CELF4: variants seen among roughly 807,000 people sequenced by gnomAD.
CELF4 encodes CUG-BP- and ETR-3-like factor 4.
CELF4 carries 18 observed loss-of-function variants against 59.9 expected under a neutral mutation model. That is an observed-to-expected ratio of 0.30 (90% CI 0.21 to 0.45). The LOEUF (loss-of-function observed/expected upper bound fraction) is 0.45. Among genes scored for constraint, CELF4 ranks in the 20% least tolerant of loss-of-function variants. The pLI, the probability that CELF4 is intolerant of heterozygous loss-of-function variation, is 1.00. For missense variants in CELF4, 456 were observed against 689.0 expected, an observed-to-expected ratio of 0.66 and a Z score of 3.79; for synonymous variants, 261 against 267.1, an observed-to-expected ratio of 0.98 and a Z score of 0.22.
chr18:37,470,536 G>C (rs1387154525), intron 2 of CELF4, among the ~76,000 whole-genome samples: 1 of 152,152 alleles, frequency 6.6e-6, no homozygotes, highest in Non-Finnish European at 1.5e-5. Flanking sequence ...AATGAGAACA[G>C]ACCCAAATGT....
chr18:37,523,369 C>T (rs2099959816), intron 1 of CELF4, among the ~76,000 whole-genome samples: 1 of 152,236 alleles, frequency 6.6e-6, no homozygotes, highest in Admixed American at 6.5e-5. Context: ...TCTCTTACCA[C>T]CCCTCCAGGG....
At chr18:37,302,674 G>A (rs1293308355) in intron 3 of CELF4, among the ~76,000 whole-genome samples, 1 of 152,192 alleles carries the variant, frequency 6.6e-6, no homozygotes, top group African/African-American at 2.4e-5. Context: ...GCACAGCAGA[G>A]TTTCCTGGGT....
intron 3 of CELF4, among the ~76,000 whole-genome samples, chr18:37,285,973 C>T (rs941652388): frequency 5.3e-5 from 8 of 152,302 alleles, no homozygotes; most frequent in South Asian, 4.2e-4. Flanking sequence ...TTTCACCCAT[C>T]GCAGGATAAT....
chr18:37,458,248 G>GT (rs2099784091), intron 2 of CELF4, among the ~76,000 whole-genome samples: 1 of 152,144 alleles, frequency 6.6e-6, no homozygotes, highest in South Asian at 2.1e-4. Flanking sequence ...CTCTGCAGAT[G>GT]TGAGTATCTG....
Position 37,275,593 on chromosome 18 carries a change from A to C in CELF4, c.449-350T>G. The C allele has an allele frequency of 1.1e-5, 3 of 275,692 alleles. No individual in the cohort carries two copies. In the South Asian group the frequency reaches 1.3e-4, roughly 12 times the overall value. 17.1% of individuals were successfully genotyped at this position (275,692 alleles called of 1,614,324 possible). On this transcript the variant is annotated intron_variant, in intron 3 of 12. Transcript: ENST00000420428. ...CTGGGCTGACCCCTCACTAGAGCAC[A>C]CGGGCAGCCTGCGTTCCCCTCCTCC...
At chr18:37,375,786 C>G (rs1303297829) in intron 2 of CELF4, among the ~76,000 whole-genome samples, 2 of 152,148 alleles carry the variant, frequency 1.3e-5, no homozygotes, top group African/African-American at 4.8e-5. Flanking sequence ...TTTAGGGCTA[C>G]AGCCAACTCC....
chr18:37,495,716 T>C (rs1189321314), intron 1 of CELF4, among the ~76,000 whole-genome samples: 1 of 151,534 alleles, frequency 6.6e-6, no homozygotes, highest in African/African-American at 2.4e-5. Flanking sequence ...GCCTTCCCCA[T>C]GCAGAAGGAA....
intron 2 of CELF4, among the ~76,000 whole-genome samples, chr18:37,327,549 C>T (rs540859592): frequency 2.0e-4 from 31 of 152,350 alleles, no homozygotes; most frequent in African/African-American, 6.0e-4. Context: ...GCTTCCCCTT[C>T]AGCAGCAACC....
chr18:37,323,448 G>C (rs1041977021), intron 2 of CELF4, among the ~76,000 whole-genome samples: 2 of 152,180 alleles, frequency 1.3e-5, no homozygotes, highest in Non-Finnish European at 2.9e-5. Context: ...GAAGTTCCTG[G>C]GTTCCCTGTG....
chr18:37,330,412 A>G (rs895653245), intron 2 of CELF4, among the ~76,000 whole-genome samples: 2 of 152,080 alleles, frequency 1.3e-5, no homozygotes, highest in South Asian at 2.1e-4. Context: ...GGCACACATT[A>G]TTTCTAGCTT....
chr18:37,289,978 G>A (rs549856437), intron 3 of CELF4, among the ~76,000 whole-genome samples: 1 of 152,324 alleles, frequency 6.6e-6, no homozygotes, highest in African/African-American at 2.4e-5. Context: ...TGTCCTTTGT[G>A]ATCACAAGGA....
At chr18:37,277,667 C>A (rs1157795234) in intron 3 of CELF4, among the ~76,000 whole-genome samples, 1 of 152,186 alleles carries the variant, frequency 6.6e-6, no homozygotes. Context: ...CTCCTGGAAG[C>A]AGCAACAGCA....
intron 1 of CELF4, among the ~76,000 whole-genome samples, chr18:37,546,054 C>T (rs2099981320): frequency 6.6e-6 from 1 of 152,218 alleles, no homozygotes; most frequent in Non-Finnish European, 1.5e-5. Context: ...CCAGAGGCCC[C>T]TCAAAAAGAC....
At chr18:37,492,659 C>A (rs1197829175) in intron 1 of CELF4, among the ~76,000 whole-genome samples, 1 of 151,636 alleles carries the variant, frequency 6.6e-6, no homozygotes, top group Non-Finnish European at 1.5e-5. Context: ...TGCAAATGTC[C>A]TCCCACTTCG....
At chr18:37,558,361 C>T (rs551960690) in intron 1 of CELF4, among the ~76,000 whole-genome samples, 49 of 145,422 alleles carry the variant, frequency 3.4e-4, no homozygotes, top group African/African-American at 1.1e-3. Context: ...TCCTCTGCAG[C>T]TTTTACTACC....
chr18:37,421,370 C>T (rs73947207), intron 2 of CELF4, among the ~76,000 whole-genome samples: 7,193 of 152,298 alleles, frequency 0.047, 611 homozygotes, highest in African/African-American at 0.16. Flanking sequence ...GGCTGTGGGG[C>T]TGTGCAGCCT....
intron 1 of CELF4, among the ~76,000 whole-genome samples, chr18:37,501,048 T>C (rs1176718745): frequency 6.6e-6 from 1 of 152,146 alleles, no homozygotes; most frequent in East Asian, 1.9e-4. Context: ...ACGTGGGCCA[T>C]GGCCAAGGAT....
chr18:37,398,408 T>C (rs17749840), intron 2 of CELF4, among the ~76,000 whole-genome samples: 33,047 of 152,096 alleles, frequency 0.22, 4,234 homozygotes, highest in East Asian at 0.61. Flanking sequence ...GGACTGTGCC[T>C]CACAGACATA....
At chr18:37,364,195 C>T (rs2098746492) in intron 2 of CELF4, among the ~76,000 whole-genome samples, 1 of 152,258 alleles carries the variant, frequency 6.6e-6, no homozygotes, top group East Asian at 1.9e-4. Flanking sequence ...GTGCATGTGC[C>T]CCTTCCCTTG....
Sources: gnomAD v4.1 joint callset for allele counts (sites outside exome capture counted in the v4.1 genomes callset) on GRCh38, gnomAD v4.1.1 for gene constraint, MANE v1.5 for transcripts, NCBI Gene and HGNC (gene_info 2026-07-23, HGNC 2026-07-21) for gene names.